The following TAS2R1 variants were observed in gnomAD, a reference collection of about 807,000 sequenced individuals.
TAS2R1 encodes taste receptor type 2 member 1.
For missense variants in TAS2R1, 370 were observed against 353.4 expected, an observed-to-expected ratio of 1.05 and a Z score of -0.38; for synonymous variants, 141 against 134.2, an observed-to-expected ratio of 1.05 and a Z score of -0.35.
At chr5:9,800,528 TGGA>T in the TAS2R1 span, among the ~76,000 whole-genome samples, 12 of 152,130 alleles carry the variant, frequency 7.9e-5, no homozygotes, top group Non-Finnish European at 1.3e-4. Flanking sequence ...AGGCCTGTGA[TGGA>T]AGATGAATAA....
At chr5:9,826,796 C>T in the TAS2R1 span, among the ~76,000 whole-genome samples, 1 of 152,054 alleles carries the variant, frequency 6.6e-6, no homozygotes, top group East Asian at 1.9e-4. Flanking sequence ...TTGGCATTTA[C>T]TGGTCACCCC....
At chr5:9,886,357 A>G in the TAS2R1 span, among the ~76,000 whole-genome samples, 2 of 85,592 alleles carry the variant, frequency 2.3e-5, no homozygotes, top group Admixed American at 3.4e-4. Context: ...TTTTTTTGAG[A>G]CGAGTCTCAC....
At chr5:9,832,548 G>C in the TAS2R1 span, among the ~76,000 whole-genome samples, 6 of 152,318 alleles carry the variant, frequency 3.9e-5, no homozygotes, top group African/African-American at 1.4e-4. Context: ...AGGAATCCCT[G>C]CTTCTCAAGT....
intron 2 of TAS2R1, among the ~76,000 whole-genome samples, chr5:9,640,478 C>G (rs1345657716): frequency 1.6e-5 from 2 of 124,440 alleles, no homozygotes; most frequent in African/African-American, 6.2e-5. Context: ...CACAGAATTG[C>G]CACAAACCTT....
In TAS2R1 at chr5:9,693,823, G is replaced by A. The variant is rs114640308; in HGVS notation, c.-242+18349C>T. ...GCTGCAGTTAACTGACGCTTGGTCA[G>A]TTAGACTGGTTTTTATACAGTGTTG... On this transcript the variant is annotated intron_variant, in intron 1 of 2. Coordinates refer to the TAS2R1 transcript ENST00000506620. 9.2e-3 allele frequency among the ~76,000 whole-genome samples: 1,400 copies of A among 152,208 alleles called. 18 individuals carry two copies. The highest frequency in any genetic ancestry group is 0.032 in the African/African-American group (1,334 of 41,510).
At chr5:9,796,264 C>T in the TAS2R1 span, among the ~76,000 whole-genome samples, 1 of 152,226 alleles carries the variant, frequency 6.6e-6, no homozygotes, top group Non-Finnish European at 1.5e-5. Flanking sequence ...CACAGTAGCC[C>T]TTCCCTGTGA....
chr5:9,815,006 A>T, the TAS2R1 span, among the ~76,000 whole-genome samples: 210 of 152,360 alleles, frequency 1.4e-3, 3 homozygotes, highest in East Asian at 0.018. Flanking sequence ...GGCGTGTCGG[A>T]GAAAGCGAGG....
intron 1 of TAS2R1, among the ~76,000 whole-genome samples, chr5:9,689,278 C>G (rs1033267322): frequency 6.6e-6 from 1 of 152,138 alleles, no homozygotes; most frequent in Non-Finnish European, 1.5e-5. Context: ...TATTGTAAAA[C>G]TATCCAGTGG....
intron 1 of TAS2R1, among the ~76,000 whole-genome samples, chr5:9,706,402 T>C (rs1322799284): frequency 1.3e-5 from 2 of 152,142 alleles, no homozygotes; most frequent in East Asian, 3.9e-4. Flanking sequence ...AACTGTCCAG[T>C]GGGTAGACGG....
At chr5:9,779,593 G>C in the TAS2R1 span, among the ~76,000 whole-genome samples, 2 of 152,166 alleles carry the variant, frequency 1.3e-5, no homozygotes, top group Non-Finnish European at 2.9e-5. Context: ...GGTCAGTGGA[G>C]AAATCAGAAC....
chr5:9,754,660 A>T, the TAS2R1 span, among the ~76,000 whole-genome samples: 1 of 152,228 alleles, frequency 6.6e-6, no homozygotes, highest in African/African-American at 2.4e-5. Context: ...CAAAGAGAAT[A>T]AAATACCTTG....
chr5:9,780,583 G>T, the TAS2R1 span, among the ~76,000 whole-genome samples: 1 of 152,112 alleles, frequency 6.6e-6, no homozygotes, highest in Admixed American at 6.5e-5. Flanking sequence ...CTTCCGTAAT[G>T]ATTATACTCT....
the TAS2R1 span, among the ~76,000 whole-genome samples, chr5:9,899,508 G>A: frequency 1.3e-5 from 2 of 151,932 alleles, no homozygotes; most frequent in African/African-American, 4.8e-5. Context: ...GTGGTGGCAG[G>A]TGCCTGTAAT....
At chr5:9,648,559 G>A (rs1013429) in intron 2 of TAS2R1, among the ~76,000 whole-genome samples, 20,698 of 151,942 alleles carry the variant, frequency 0.14, 1,680 homozygotes, top group Admixed American at 0.24. Flanking sequence ...CCCTCAGCTC[G>A]GTGTCCAGTG....
chr5:9,694,798 C>A (rs908418982), intron 1 of TAS2R1, among the ~76,000 whole-genome samples: 4 of 152,220 alleles, frequency 2.6e-5, no homozygotes, highest in Non-Finnish European at 5.9e-5. Flanking sequence ...CAATTTTGAT[C>A]ATTAATATCC....
At chr5:9,736,964 T>G in the TAS2R1 span, among the ~76,000 whole-genome samples, 4 of 152,158 alleles carry the variant, frequency 2.6e-5, no homozygotes, top group Non-Finnish European at 4.4e-5. Context: ...TTATTCACAT[T>G]TGGCACTTTA....
At chr5:9,873,520 A>G in the TAS2R1 span, among the ~76,000 whole-genome samples, 1 of 151,876 alleles carries the variant, frequency 6.6e-6, no homozygotes, top group Admixed American at 6.6e-5. Context: ...TGATAAAACC[A>G]AAGTATCTTA....
At chr5:9,675,704 C>T (rs541713730) in intron 1 of TAS2R1, among the ~76,000 whole-genome samples, 2 of 152,118 alleles carry the variant, frequency 1.3e-5, no homozygotes, top group African/African-American at 2.4e-5. Context: ...CATGAGCCAC[C>T]ATGCCCTGCC....
chr5:9,640,206 G>A (rs942794687), intron 2 of TAS2R1, among the ~76,000 whole-genome samples: 1 of 151,956 alleles, frequency 6.6e-6, no homozygotes, highest in Non-Finnish European at 1.5e-5. Context: ...CAAGGAGAAG[G>A]AGTGCAATGG....
Sources: gnomAD v4.1 joint callset for allele counts (sites outside exome capture counted in the v4.1 genomes callset) on GRCh38, gnomAD v4.1.1 for gene constraint, MANE v1.5 for transcripts, NCBI Gene and HGNC (gene_info 2026-07-23, HGNC 2026-07-21) for gene names.